RASSF8: variants seen among roughly 807,000 people sequenced by gnomAD.
The protein encoded by RASSF8 is ras association domain-containing protein 8.
RASSF8 carries 22 observed loss-of-function variants against 48.5 expected under a neutral mutation model. The ratio of observed to expected loss-of-function variants is 0.45; its 90% CI spans 0.32 to 0.65. RASSF8 has a LOEUF of 0.65. RASSF8 is among the 30% of genes least tolerant of loss of function. The pLI is 0.03. For synonymous variants in RASSF8, 127 were observed against 171.5 expected (o/e 0.74, Z 2.03); for missense variants, 418 against 489.2 (o/e 0.85, Z 1.37).
At position 25,972,674 on chromosome 12, in the gene RASSF8, A is replaced by C. The variant is rs1941510415; in HGVS notation, c.-203+13526A>C. On this transcript the variant is annotated intron_variant, in intron 1 of 5. Transcript: ENST00000689635. ...AAGAATTTTTGTATTTTTTAAAAACAGTAATACCAAAAGGAAAAAACACCA... is the reference window on the plus strand; with the variant it reads ...AAGAATTTTTGTATTTTTTAAAAACCGTAATACCAAAAGGAAAAAACACCA... Among the ~76,000 whole-genome samples, 3 of 152,238 alleles carry C rather than the reference A, an allele frequency of 2.0e-5. No individual in the cohort carries two copies. In the South Asian group the frequency reaches 6.2e-4, roughly 32 times the overall value.
chr12:26,078,169 C>A (rs1944087555), intron 5 of RASSF8, among the ~76,000 whole-genome samples: 2 of 152,078 alleles, frequency 1.3e-5, no homozygotes, highest in African/African-American at 4.8e-5. Flanking sequence ...CAAATCCCTG[C>A]CCATGTGGAA....
chr12:26,067,545 A>G (rs774034640), intron 4 of RASSF8, 24 bp from the exon 5 acceptor site: 1 of 1,584,196 alleles, frequency 6.3e-7, no homozygotes, highest in Non-Finnish European at 8.6e-7. Flanking sequence ...CCTCAAATTT[A>G]AAAAAATAAT....
At chr12:26,073,697 C>G (rs1334424191), downstream of RASSF8, among the ~76,000 whole-genome samples, 1 of 151,468 alleles carries the variant, frequency 6.6e-6, no homozygotes, top group Non-Finnish European at 1.5e-5. Context: ...CGAGATCGCA[C>G]CACTGCATTC....
At chr12:26,060,174 G>A (rs185236389) in intron 3 of RASSF8, among the ~76,000 whole-genome samples, 1 of 152,308 alleles carries the variant, frequency 6.6e-6, no homozygotes, top group East Asian at 1.9e-4. Context: ...TGGGATTACA[G>A]ATGTGAGCCA....
At chr12:25,989,329 A>G (rs918609084) in intron 1 of RASSF8, among the ~76,000 whole-genome samples, 10 of 152,176 alleles carry the variant, frequency 6.6e-5, no homozygotes, top group African/African-American at 2.2e-4. Context: ...AGTTTCTACT[A>G]CTAGTGTGTT....
downstream of RASSF8, among the ~76,000 whole-genome samples, chr12:26,073,028 T>C (rs1265622959): frequency 1.3e-5 from 2 of 152,234 alleles, no homozygotes; most frequent in Non-Finnish European, 2.9e-5. Context: ...GATGGCTTCA[T>C]CAAAGTAAAA....
rs1006831691 is a variant in RASSF8 at position 26,034,903 on chromosome 12, G to A, written c.-108-20333G>A. 2.7e-5 allele frequency among the ~76,000 whole-genome samples: 4 copies of A among 150,830 alleles called. No homozygotes were observed. The East Asian group carries it at 7.8e-4, about 29-fold the overall frequency. ...CACCAAGTGTAGATGCATTCTCATTGGTTTGTTGTAGACTGCTTTTACCTT... is the reference window on the plus strand; with the variant it reads ...CACCAAGTGTAGATGCATTCTCATTAGTTTGTTGTAGACTGCTTTTACCTT... On this transcript the variant is annotated intron_variant, in intron 2 of 5. Transcript: ENST00000689635.
intron 2 of RASSF8, among the ~76,000 whole-genome samples, chr12:26,013,169 C>A (rs956487650): frequency 6.6e-6 from 1 of 152,262 alleles, no homozygotes; most frequent in Non-Finnish European, 1.5e-5. Context: ...AATAAAAAGG[C>A]CTGTATTCTC....
chr12:26,058,952 C>T lies in RASSF8; in HGVS notation c.103+3506C>T, dbSNP rs116818484. Among the ~76,000 whole-genome samples the T allele has an allele frequency of 6.1e-3, 929 of 152,272 alleles. 5 individuals carry two copies. The highest frequency in any genetic ancestry group is 0.021 in the African/African-American group (875 of 41,524). On this transcript the variant is annotated intron_variant, in intron 3 of 5. Coordinates refer to ENST00000689635, the MANE Select transcript of RASSF8 (RefSeq NM_001394098.1). ...TTCAACTGTCCTGCAAGAGTGCACT[C>T]GGAGTTTGTCACTGTACACCCTGAA...
At chr12:26,055,478 T>G in intron 3 of RASSF8, 32 bp downstream of exon 3, 1 of 1,495,578 alleles carries the variant, frequency 6.7e-7, no homozygotes. Flanking sequence ...CTGAGAAAAG[T>G]ACATTGTGCT....
chr12:25,982,333 T>G (rs553183640), intron 1 of RASSF8, among the ~76,000 whole-genome samples: 16 of 152,318 alleles, frequency 1.1e-4, no homozygotes, highest in Middle Eastern at 3.4e-3. Flanking sequence ...GTTATGCAAG[T>G]GCAGAAATAA....
chr12:26,067,476 T>A, intron 4 of RASSF8, 93 bp from the exon 5 acceptor site: 5 of 1,319,130 alleles, frequency 3.8e-6, no homozygotes, highest in Non-Finnish European at 5.2e-6. Flanking sequence ...ATGTTGCACA[T>A]TTAACCCCTG....
At chr12:25,966,286 T>C (rs1295967195) in intron 1 of RASSF8, among the ~76,000 whole-genome samples, 1 of 152,212 alleles carries the variant, frequency 6.6e-6, no homozygotes, top group Admixed American at 6.5e-5. Context: ...AGGGTCTTGC[T>C]CTGTTGCCGA....
intron 2 of RASSF8, among the ~76,000 whole-genome samples, chr12:26,025,296 G>C (rs182196417): frequency 5.9e-5 from 9 of 152,228 alleles, no homozygotes; most frequent in Non-Finnish European, 8.8e-5. Flanking sequence ...GGTGGCTCAC[G>C]CCTGTAATCC....
chr12:26,021,926 A>T (rs913526120), intron 2 of RASSF8, among the ~76,000 whole-genome samples: 2 of 152,194 alleles, frequency 1.3e-5, no homozygotes, highest in African/African-American at 4.8e-5. Context: ...GGTGGTAAGC[A>T]AATAAGAGCC....
intron 2 of RASSF8, among the ~76,000 whole-genome samples, chr12:26,000,717 G>A (rs2643934): frequency 6.6e-6 from 1 of 151,912 alleles, no homozygotes; most frequent in Non-Finnish European, 1.5e-5. Flanking sequence ...TACTGAATAC[G>A]GTAGGCAATT....
intron 2 of RASSF8, among the ~76,000 whole-genome samples, chr12:26,024,145 G>T (rs574076237): frequency 1.3e-5 from 2 of 152,068 alleles, no homozygotes; most frequent in South Asian, 2.1e-4. Context: ...ACTTGTACTG[G>T]AATAACAATT....
chr12:26,017,845 A>G (rs977344080), intron 2 of RASSF8, among the ~76,000 whole-genome samples: 16 of 152,246 alleles, frequency 1.1e-4, no homozygotes, highest in African/African-American at 3.9e-4. Flanking sequence ...CTATCTAGGA[A>G]AAAGTATTTT....
In RASSF8 at chr12:26,040,247, C is replaced by T. The variant is rs776984855; in HGVS notation, c.-108-14989C>T. ...TAAGATTTTTAGTGTGATAGCTAAACGCAAATAATTGGCTCCTTGGGTTGG... is the reference window on the plus strand; with the variant it reads ...TAAGATTTTTAGTGTGATAGCTAAATGCAAATAATTGGCTCCTTGGGTTGG... On this transcript the variant is annotated intron_variant, in intron 2 of 5. Transcript: ENST00000689635. Among the ~76,000 whole-genome samples the T allele has an allele frequency of 1.3e-4, 20 of 152,106 alleles. No individual in the cohort carries two copies. The East Asian group carries it at 1.7e-3, about 13-fold the overall frequency.
Sources: gnomAD v4.1 joint callset for allele counts (sites outside exome capture counted in the v4.1 genomes callset) on GRCh38, gnomAD v4.1.1 for gene constraint, MANE v1.5 for transcripts, NCBI Gene and HGNC (gene_info 2026-07-23, HGNC 2026-07-21) for gene names.